The following KLC2 variants were observed in gnomAD, a reference collection of about 807,000 sequenced individuals.
KLC2 encodes KLC 2.
Under a neutral mutation model 75.1 loss-of-function variants are expected in KLC2, and 35 were observed. The observed-to-expected ratio is 0.47, with a 90% CI of 0.36 to 0.62. The LOEUF is 0.62. Among genes scored for constraint, KLC2 ranks in the 20% least tolerant of loss-of-function variants. KLC2 has a pLI of 0.00. For missense variants in KLC2, 611 were observed against 833.2 expected, an observed-to-expected ratio of 0.73 and a Z score of 3.28; for synonymous variants, 314 against 336.7, an observed-to-expected ratio of 0.93 and a Z score of 0.74.
At chr11:66,252,002 C>G in the KLC2 span, among the ~76,000 whole-genome samples, 1 of 152,170 alleles carries the variant, frequency 6.6e-6, no homozygotes, top group Non-Finnish European at 1.5e-5. Flanking sequence ...TCGCTGGGCT[C>G]ATCTCCTTCC....
At chr11:66,244,363 C>CTCCTTCCCTCCCTG in the KLC2 span, 1 of 152,936 alleles carries the variant, frequency 6.5e-6, no homozygotes, top group Admixed American at 6.5e-5. Context: ...CTCCAGCAGG[C>CTCCTTCCCTCCCTG]TCCTTCCCTC....
chr11:66,267,782 G>A lies in KLC2; in HGVS notation c.*826G>A, dbSNP rs1484800695. The stretch of plus-strand genomic sequence containing the variant: ...GCGACGGTCCCCTGGTGGCAGGAGG[G>A]GCTCCCCCTGTTGCGGGTGAGGCGG... On this transcript the variant is annotated 3_prime_UTR_variant, in exon 16 of 16. Transcript: ENST00000394067. The A allele has an allele frequency of 1.8e-5, 8 of 450,724 alleles. No homozygotes were observed. The highest frequency in any genetic ancestry group is 3.1e-5 in the Non-Finnish European group (8 of 258,304). The allele number at this position is 450,724 out of a possible 1,614,324, so 27.9% of individuals were successfully genotyped here.
chr11:66,246,794 A>T, the KLC2 span, among the ~76,000 whole-genome samples: 1 of 152,146 alleles, frequency 6.6e-6, no homozygotes, highest in Non-Finnish European at 1.5e-5. Flanking sequence ...TGGGTTGCCC[A>T]GTCCTATCAG....
At chr11:66,254,368 T>C (rs1855986455), upstream of KLC2, among the ~76,000 whole-genome samples, 1 of 149,684 alleles carries the variant, frequency 6.7e-6, no homozygotes, top group Non-Finnish European at 1.5e-5. Context: ...ACTTAAGCTT[T>C]AAAGCCACAA....
At chr11:66,248,702 T>C in the KLC2 span, among the ~76,000 whole-genome samples, 4 of 152,166 alleles carry the variant, frequency 2.6e-5, no homozygotes, top group African/African-American at 2.4e-5. Context: ...CCACCCAGAA[T>C]GCCACACTAC....
the KLC2 span, among the ~76,000 whole-genome samples, chr11:66,250,900 ACT>A: frequency 2.0e-5 from 3 of 152,242 alleles, no homozygotes; most frequent in Non-Finnish European, 4.4e-5. Context: ...CGTAGCTGTT[ACT>A]GTTACCACTG....
intron 4 of KLC2, chr11:66,262,575 A>G (rs1856509332): frequency 1.7e-6 from 1 of 582,024 alleles, no homozygotes; most frequent in Non-Finnish European, 3.1e-6. Flanking sequence ...ACACAGGGAC[A>G]CAGGCTCAGA....
chr11:66,259,398 C>G (rs909990042), intron 2 of KLC2, among the ~76,000 whole-genome samples: 1 of 152,140 alleles, frequency 6.6e-6, no homozygotes, highest in Non-Finnish European at 1.5e-5. Context: ...AAGAAATGAA[C>G]CAGCCTCCAG....
chr11:66,266,974 G>C lies in KLC2; in HGVS notation c.*18G>C, dbSNP rs768780531. The C allele has an allele frequency of 1.9e-6, 3 of 1,610,642 alleles. No individual in the cohort carries two copies. The highest frequency in any genetic ancestry group is 2.2e-5 in the East Asian group (1 of 44,862). ...TGGGCTAATGCTGAAGGGGCAGCCAGTCACCAGAGCGCCCACCTGGCACAC... is the reference window on the plus strand; with the variant it reads ...TGGGCTAATGCTGAAGGGGCAGCCACTCACCAGAGCGCCCACCTGGCACAC... On this transcript the variant is annotated 3_prime_UTR_variant, in exon 16 of 16. Transcript: ENST00000394067.
At chr11:66,251,201 G>A in the KLC2 span, among the ~76,000 whole-genome samples, 2 of 152,176 alleles carry the variant, frequency 1.3e-5, no homozygotes, top group Non-Finnish European at 2.9e-5. Context: ...GTTAGAAAAC[G>A]AGAGTTGAGG....
At chr11:66,249,097 C>T in the KLC2 span, among the ~76,000 whole-genome samples, 6 of 152,158 alleles carry the variant, frequency 3.9e-5, no homozygotes, top group Non-Finnish European at 8.8e-5. Context: ...TTTTGATGAC[C>T]TTGACAGTTT....
At chr11:66,249,472 G>A in the KLC2 span, among the ~76,000 whole-genome samples, 1 of 152,162 alleles carries the variant, frequency 6.6e-6, no homozygotes, top group Non-Finnish European at 1.5e-5. Flanking sequence ...CCTTTCACCT[G>A]CCGTGTCCAA....
At chr11:66,248,744 G>T in the KLC2 span, among the ~76,000 whole-genome samples, 1 of 151,898 alleles carries the variant, frequency 6.6e-6, no homozygotes, top group African/African-American at 2.4e-5. Flanking sequence ...TTTTGTTGTT[G>T]ATTTTAGAGA....
At chr11:66,265,094 G>C (rs751815550) in intron 10 of KLC2, 22 bp downstream of exon 10, 1 of 1,609,694 alleles carries the variant, frequency 6.2e-7, no homozygotes, top group Admixed American at 1.7e-5. Context: ...GGGCAGGCTG[G>C]GCGGTTGTCA....
At chr11:66,263,060 A>G (rs1350119157) in intron 5 of KLC2, 24 bp downstream of exon 5, 7 of 1,568,168 alleles carry the variant, frequency 4.5e-6, no homozygotes, top group Non-Finnish European at 6.1e-6. Flanking sequence ...GGGGGTGCCC[A>G]AATTCTTCTG....
intron 1 of KLC2, 87 bp from the exon 2 acceptor site, chr11:66,258,497 C>A (rs1856167055): frequency 2.3e-6 from 2 of 886,680 alleles, no homozygotes; most frequent in African/African-American, 1.7e-5. Flanking sequence ...CTCAGGCGTC[C>A]GGGGACCGCC....
At chr11:66,245,949 G>A in the KLC2 span, among the ~76,000 whole-genome samples, 4 of 152,214 alleles carry the variant, frequency 2.6e-5, no homozygotes, top group African/African-American at 7.2e-5. Context: ...TGCCCTACAG[G>A]TATAGCCCCA....
chr11:66,252,858 T>C (rs1171301736), upstream of KLC2, among the ~76,000 whole-genome samples: 2 of 151,916 alleles, frequency 1.3e-5, no homozygotes, highest in Non-Finnish European at 2.9e-5. Flanking sequence ...CAGCTTTGAG[T>C]AGACTGATTC....
chr11:66,266,144 G>T lies in KLC2; in HGVS notation c.1654G>T (p.Ala552Ser). 1.2e-6 allele frequency: 2 copies of T among 1,613,764 alleles called. No homozygotes were observed. Among genetic ancestry groups the T allele is most frequent in the Non-Finnish European group, 1.7e-6 (2 of 1,179,886 alleles). The change falls in exon 14 of 16, where the codon GCC (alanine) becomes TCC (serine). Residue 552 changes from alanine (A) to serine (S), a missense_variant. Ala to Ser is a moderately conservative substitution (Grantham distance 99). Coordinates refer to ENST00000394067, the MANE Select transcript of KLC2 (RefSeq NM_001318734.2). ...CGGTTCCTTTGGGAAACTCCGGGAT[G>T]CCCTGAGGCGCAGCAGTGAGATGCT... The part of the protein sequence containing the change: ...RSGSFGKLRD[A>S]LRRSSEMLVK...
Sources: gnomAD v4.1 joint callset for allele counts (sites outside exome capture counted in the v4.1 genomes callset) on GRCh38, gnomAD v4.1.1 for gene constraint, MANE v1.5 for transcripts, NCBI Gene and HGNC (gene_info 2026-07-23, HGNC 2026-07-21) for gene names.